F2: variants seen among roughly 807,000 people sequenced by gnomAD.
F2 encodes coagulation factor II, thrombin.
F2 carries 34 observed loss-of-function variants against 81.9 expected under a neutral mutation model. That is an observed-to-expected ratio of 0.42 (90% confidence interval 0.32 to 0.55). F2 has a LOEUF of 0.55. Among genes scored for constraint, F2 ranks in the 20% least tolerant of loss-of-function variants. The pLI is 0.18. For missense variants in F2, 630 were observed against 833.4 expected, an observed-to-expected ratio of 0.76 and a Z score of 3.00; for synonymous variants, 296 against 326.4, an observed-to-expected ratio of 0.91 and a Z score of 1.01.
chr11:46,736,459 C>T (rs903194735), intron 12 of F2, among the ~76,000 whole-genome samples: 1 of 151,886 alleles, frequency 6.6e-6, no homozygotes, highest in Admixed American at 6.6e-5. Flanking sequence ...TTCCTGCATC[C>T]AGCTAATTTG....
At chr11:46,720,933 C>T (rs867734312) in intron 4 of F2, 93 bp downstream of exon 4, 79 of 1,348,340 alleles carry the variant, frequency 5.9e-5, no homozygotes, top group Middle Eastern at 1.8e-4. Flanking sequence ...TGGTGGAGGC[C>T]GAGGCAGTCC....
chr11:46,735,626 TA>T (rs1219465815), intron 12 of F2, among the ~76,000 whole-genome samples: 86 of 131,068 alleles, frequency 6.6e-4, no homozygotes, highest in Middle Eastern at 5.2e-3. Flanking sequence ...CTGTTTCTAT[TA>T]AAAAAAAAAA....
intron 11 of F2, 33 bp from the exon 12 acceptor site, chr11:46,729,347 G>T: frequency 6.2e-7 from 1 of 1,604,836 alleles, no homozygotes; most frequent in Non-Finnish European, 8.5e-7. Context: ...TGTGGGGGTT[G>T]GCTCTCACTA....
At position 46,729,526 on chromosome 11, in the gene F2, C is replaced by G. The variant is rs752961431; in HGVS notation, c.1619C>G (p.Thr540Ser). Reference protein sequence around the residue: ...IVERPVCKDSTRIRITDNMFC... With the variant: ...IVERPVCKDSSRIRITDNMFC... ...GAGCGGCCGGTCTGCAAGGACTCCA[C>G]CCGGATCCGCATCACTGACAACATG... The change falls in exon 12 of 14, where the codon ACC (threonine) becomes AGC (serine). Residue 540 changes from threonine to serine, a missense_variant. Thr to Ser is a moderately conservative substitution (Grantham distance 58, BLOSUM62 1). Coordinates refer to ENST00000311907, the MANE Select transcript of F2 (RefSeq NM_000506.5). 6.5e-5 allele frequency: 105 copies of G among 1,613,772 alleles called. No homozygotes were observed. The highest frequency in any genetic ancestry group is 8.8e-5 in the Non-Finnish European group (104 of 1,179,836).
At chr11:46,737,347 T>G (rs1304912039) in intron 12 of F2, among the ~76,000 whole-genome samples, 1 of 151,888 alleles carries the variant, frequency 6.6e-6, no homozygotes, top group Non-Finnish European at 1.5e-5. Context: ...TTTCACCATG[T>G]TAGCCAGGCT....
rs527322151 is a variant in F2 at position 46,726,237 on chromosome 11, G to A, written c.874+64G>A. The stretch of plus-strand genomic sequence containing the variant: ...AATCCTGGTGGGAATAACAACAGCC[G>A]CTTCTGCTTATCGAACGCTTACCTC... On this transcript the variant is annotated intron_variant, in intron 7 of 13. Transcript: ENST00000311907. The surrounding 1 kb of genome is among the most constrained non-coding windows in gnomAD (Gnocchi z 5.9). 4.8e-5 allele frequency: 76 copies of A among 1,592,228 alleles called. No individual in the cohort carries two copies. Among genetic ancestry groups the A allele is most frequent in the African/African-American group, 1.2e-4 (9 of 74,792 alleles).
chr11:46,727,206 G>A (rs1037022072), intron 9 of F2, among the ~76,000 whole-genome samples: 2 of 152,046 alleles, frequency 1.3e-5, no homozygotes, highest in African/African-American at 4.8e-5. Context: ...ATTTTAAGTA[G>A]AGACAGGGTT....
In F2 at chr11:46,723,170, G is replaced by A; in HGVS notation, c.317-10G>A. The A allele has an allele frequency of 6.2e-7, 1 of 1,612,942 alleles. No individual in the cohort carries two copies. The highest frequency in any genetic ancestry group is 8.5e-7 in the Non-Finnish European group (1 of 1,179,088). The stretch of plus-strand genomic sequence containing the variant: ...AGGCTCCAAGGCTGACCGGGGTGGG[G>A]TCTCCGCAGGTAACTGTGCTGAGGG... On this transcript the variant is annotated splice_polypyrimidine_tract_variant and intron_variant, in intron 4 of 13. Coordinates refer to ENST00000311907, the MANE Select transcript of F2 (RefSeq NM_000506.5). This position sits in a 1 kb window ranked among gnomAD's most constrained non-coding sequence, Gnocchi z 5.6.
rs939492961 is a variant in F2, at chr11:46,719,693, G to A, written c.80-9G>A. On this transcript the variant is annotated splice_polypyrimidine_tract_variant and intron_variant, in intron 1 of 13. Transcript: ENST00000311907. This position sits in a 1 kb window ranked among gnomAD's most constrained non-coding sequence, Gnocchi z 4.7. ...GCCGCTGTCCCATGACCCCCCCACC[G>A]CCTTACAGTGTTCCTGGCTCCTCAG... 7.6e-6 allele frequency: 12 copies of A among 1,584,082 alleles called. No individual in the cohort carries two copies. The highest frequency in any genetic ancestry group is 3.6e-5 in the Admixed American group (2 of 56,060).
In F2 at chr11:46,719,710, G is replaced by C. The variant is rs1389231675; in HGVS notation, c.88G>C (p.Ala30Pro). 2 of 1,590,830 alleles carry C rather than the reference G, an allele frequency of 1.3e-6. No homozygotes were observed. Among genetic ancestry groups the C allele is most frequent in the South Asian group, 1.2e-5 (1 of 86,902 alleles). The change falls in exon 2 of 14, where the codon GCT (alanine) becomes CCT (proline). Residue 30 changes from alanine to proline, a missense_variant. Physicochemically the swap from Ala to Pro is conservative, Grantham distance 27 (BLOSUM62 -1). Coordinates refer to ENST00000311907, the MANE Select transcript of F2 (RefSeq NM_000506.5). The surrounding 1 kb of genome is among the most constrained non-coding windows in gnomAD (Gnocchi z 4.7). ...SLVHSQHVFL[A>P]PQQARSLLQR... ...CCCCCACCGCCTTACAGTGTTCCTG[G>C]CTCCTCAGCAAGCACGGTCGCTGCT...
intron 2 of F2, chr11:46,720,131 C>T: frequency 1.7e-6 from 1 of 576,114 alleles, no homozygotes. Context: ...GCTCTGTGTC[C>T]ACATGGCCTC....
Position 46,719,277 on chromosome 11 carries a change from C to A in F2, c.42C>A (p.Ala14=). Residue 14 remains alanine, a synonymous_variant, in exon 1 of 14, where the codon GCC becomes GCA. Coordinates refer to ENST00000311907, the MANE Select transcript of F2 (RefSeq NM_000506.5). The surrounding 1 kb of genome is among the most constrained non-coding windows in gnomAD (Gnocchi z 4.7). The stretch of plus-strand genomic sequence containing the variant: ...GCTTGCAGCTGCCTGGCTGCCTGGC[C>A]CTGGCTGCCCTGTGTAGCCTTGTGC... The part of the protein sequence containing the change: ...VRGLQLPGCL[A]LAALCSLVHS... 1 of 1,613,610 alleles carries A rather than the reference C, an allele frequency of 6.2e-7. No individual in the cohort carries two copies. The highest frequency in any genetic ancestry group is 8.5e-7 in the Non-Finnish European group (1 of 1,179,996).
chr11:46,719,727 G>A lies in F2; in HGVS notation c.105G>A (p.Arg35=), dbSNP rs1288999519. Residue 35 remains arginine (R), a synonymous_variant, in exon 2 of 14, where the codon CGG becomes CGA. Transcript: ENST00000311907. This position sits in a 1 kb window ranked among gnomAD's most constrained non-coding sequence, Gnocchi z 4.7. ...QHVFLAPQQA[R]SLLQRVRRAN... is the part of the protein sequence containing the mutation. ...TGTTCCTGGCTCCTCAGCAAGCACG[G>A]TCGCTGCTCCAGCGGGTCCGGCGAG... is the stretch of plus-strand genomic sequence containing the variant. 3 of 1,594,704 alleles carry A rather than the reference G, an allele frequency of 1.9e-6. No homozygotes were observed. The African/African-American group carries it at 4.0e-5, about 21-fold the overall frequency.
intron 13 of F2, 28 bp from the exon 14 acceptor site, chr11:46,739,236 CT>C: frequency 6.2e-7 from 1 of 1,613,706 alleles, no homozygotes; most frequent in Non-Finnish European, 8.5e-7. Flanking sequence ...GAACTTGACT[CT>C]ATTGGAAACC....
In F2 at chr11:46,726,659, C is replaced by A. The variant is rs192142540; in HGVS notation, c.1003+33C>A. 2.9e-5 allele frequency: 47 copies of A among 1,596,312 alleles called. No individual in the cohort carries two copies. The highest frequency in any genetic ancestry group is 2.8e-5 in the Non-Finnish European group (32 of 1,163,508). On this transcript the variant is annotated intron_variant, in intron 8 of 13. Coordinates refer to ENST00000311907, the MANE Select transcript of F2 (RefSeq NM_000506.5). This position sits in a 1 kb window ranked among gnomAD's most constrained non-coding sequence, Gnocchi z 5.9. ...AGTGGGCATCCGAGGGGATGCGGGGCTGCGGGGCTGGTGGCCAGGACTTGC... is the reference window on the plus strand; with the variant it reads ...AGTGGGCATCCGAGGGGATGCGGGGATGCGGGGCTGGTGGCCAGGACTTGC...
At position 46,726,545 on chromosome 11, in the gene F2, G is replaced by C. The variant is rs749657071; in HGVS notation, c.922G>C (p.Asp308His). 3.1e-6 allele frequency: 5 copies of C among 1,614,046 alleles called. No homozygotes were observed. The highest frequency in any genetic ancestry group is 4.2e-6 in the Non-Finnish European group (5 of 1,179,928). The part of the protein sequence containing the change: ...ETGDGLDEDS[D>H]RAIEGRTATS... ...AGGAGATGGGCTGGATGAGGACTCAGACAGGGCCATCGAAGGGCGTACCGC... is the reference window on the plus strand; with the variant it reads ...AGGAGATGGGCTGGATGAGGACTCACACAGGGCCATCGAAGGGCGTACCGC... Residue 308 changes from aspartate (D) to histidine (H), a missense_variant, in exon 8 of 14, where the codon GAC becomes CAC. Physicochemically the swap from Asp to His is moderately conservative, Grantham distance 81. Transcript: ENST00000311907. This position sits in a 1 kb window ranked among gnomAD's most constrained non-coding sequence, Gnocchi z 5.9.
intron 12 of F2, among the ~76,000 whole-genome samples, chr11:46,731,912 G>GTTTTT (rs71042616): frequency 1.1e-3 from 97 of 88,080 alleles, no homozygotes; most frequent in Admixed American, 1.5e-3. Context: ...ACACTTTGAT[G>GTTTTT]TTTTTTTTTT....
chr11:46,729,433 A>G lies in F2; in HGVS notation c.1526A>G (p.Glu509Gly). The G allele has an allele frequency of 6.2e-7, 1 of 1,614,100 alleles. No individual in the cohort carries two copies. Among genetic ancestry groups the G allele is most frequent in the South Asian group, 1.1e-5 (1 of 91,080 alleles). ...GTGACAGGCTGGGGCAACCTGAAGGAGACGTGGACAGCCAACGTTGGTAAG... is the reference window on the plus strand; with the variant it reads ...GTGACAGGCTGGGGCAACCTGAAGGGGACGTGGACAGCCAACGTTGGTAAG... ...GRVTGWGNLK[E>G]TWTANVGKGQ... The change falls in exon 12 of 14, where the codon GAG becomes GGG. Residue 509 changes from glutamate to glycine, a missense_variant. Transcript: ENST00000311907.
In F2 at chr11:46,719,733, G is replaced by A. The variant is rs1565700684; in HGVS notation, c.111G>A (p.Leu37=). ...TGGCTCCTCAGCAAGCACGGTCGCTGCTCCAGCGGGTCCGGCGAGCCAACA... is the reference window on the plus strand; with the variant it reads ...TGGCTCCTCAGCAAGCACGGTCGCTACTCCAGCGGGTCCGGCGAGCCAACA... ...VFLAPQQARS[L]LQRVRRANTF... The change falls in exon 2 of 14, where the codon CTG becomes CTA. Residue 37 remains leucine, a synonymous_variant. Coordinates refer to ENST00000311907, the MANE Select transcript of F2 (RefSeq NM_000506.5). The surrounding 1 kb of genome is among the most constrained non-coding windows in gnomAD (Gnocchi z 4.7). 1 of 1,595,422 alleles carries A rather than the reference G, an allele frequency of 6.3e-7. No homozygotes were observed. Among genetic ancestry groups the A allele is most frequent in the Non-Finnish European group, 8.5e-7 (1 of 1,172,400 alleles).
Sources: allele counts gnomAD v4.1 joint callset (sites outside exome capture counted in the v4.1 genomes callset), GRCh38; gene constraint gnomAD v4.1.1; non-coding constraint Gnocchi (gnomAD v3.1); transcripts MANE v1.5; gene names NCBI Gene and HGNC (gene_info 2026-07-23, HGNC 2026-07-21).